Variants in DNAJC1 observed in about 807,000 individuals in gnomAD.
DNAJC1 encodes dnaJ homolog subfamily C member 1.
A neutral mutation model predicts 76.6 loss-of-function variants in DNAJC1; 58 were observed. The observed-to-expected ratio is 0.76, with a 90% CI of 0.61 to 0.94. The LOEUF (loss-of-function observed/expected upper bound fraction) is 0.94. Ranked by LOEUF, DNAJC1 falls within the 40% of genes least tolerant of loss-of-function variation. The pLI is 0.00. For missense variants in DNAJC1, 689 were observed against 677.3 expected (o/e 1.02, Z -0.19); for synonymous variants, 258 against 267.9 (o/e 0.96, Z 0.36).
chr10:21,930,573 C>A (rs534629592), intron 1 of DNAJC1, among the ~76,000 whole-genome samples: 4 of 152,218 alleles, frequency 2.6e-5, no homozygotes, highest in South Asian at 2.1e-4. Flanking sequence ...TTTTTATTAT[C>A]AGTTTTCTGG....
intron 1 of DNAJC1, among the ~76,000 whole-genome samples, chr10:21,996,907 T>C (rs1425827993): frequency 2.6e-5 from 4 of 152,162 alleles, no homozygotes; most frequent in African/African-American, 9.7e-5. Flanking sequence ...AAGTACTTAT[T>C]CAGCTCTAAC....
intron 8 of DNAJC1, among the ~76,000 whole-genome samples, chr10:21,836,722 AG>A (rs1835465592): frequency 6.6e-6 from 1 of 152,186 alleles, no homozygotes; most frequent in Non-Finnish European, 1.5e-5. Flanking sequence ...AGATCAAAAG[AG>A]ACAAAGAAGG....
intron 3 of DNAJC1, among the ~76,000 whole-genome samples, chr10:21,927,353 ATACAT>A (rs1837145258): frequency 2.0e-5 from 3 of 152,348 alleles, no homozygotes; most frequent in South Asian, 2.1e-4. Context: ...ATTCCAGATA[ATACAT>A]TTGAGGAAAG....
chr10:21,813,506 C>T (rs1048815812), intron 8 of DNAJC1, among the ~76,000 whole-genome samples: 13 of 151,732 alleles, frequency 8.6e-5, no homozygotes, highest in Admixed American at 7.9e-4. Context: ...CACCATTCTC[C>T]TGCCTCAGCC....
intron 7 of DNAJC1, among the ~76,000 whole-genome samples, chr10:21,899,235 G>C (rs573426647): frequency 2.8e-4 from 42 of 152,344 alleles, no homozygotes; most frequent in African/African-American, 1.0e-3. Flanking sequence ...GGCACACACA[G>C]AGGCTGAGAG....
At chr10:21,887,856 G>A (rs1836393153) in intron 7 of DNAJC1, among the ~76,000 whole-genome samples, 1 of 152,076 alleles carries the variant, frequency 6.6e-6, no homozygotes, top group South Asian at 2.1e-4. Flanking sequence ...GACACCAAAA[G>A]CAATTGAAAC....
At position 21,941,963 on chromosome 10, in the gene DNAJC1, T is replaced by C. The variant is rs368608122; in HGVS notation, c.223-12822A>G. ...AAGCATATAAAAATTTCCAAATTAA[T>C]AGAAATTTTACTAAGCCAACAAAAG... On this transcript the variant is annotated intron_variant, in intron 1 of 11. Coordinates refer to ENST00000376980, the MANE Select transcript of DNAJC1 (RefSeq NM_022365.4). Among the ~76,000 whole-genome samples, 5 of 152,206 alleles carry C rather than the reference T, an allele frequency of 3.3e-5. No homozygotes were observed. The East Asian group carries it at 5.8e-4, about 18-fold the overall frequency.
intron 9 of DNAJC1, among the ~76,000 whole-genome samples, chr10:21,777,110 A>C (rs1419859171): frequency 2.0e-5 from 3 of 152,232 alleles, no homozygotes; most frequent in Non-Finnish European, 4.4e-5. Flanking sequence ...ACCAGACCAC[A>C]GACTATGAGC....
At position 21,903,698 on chromosome 10, in the gene DNAJC1, T is replaced by C. The variant is rs996872132; in HGVS notation, c.820+824A>G. ...TGTCCAGACACCTGAAGGATTGTGATAGACTGAAAAATGACCCCCTAAAAT... is the reference window on the plus strand; with the variant it reads ...TGTCCAGACACCTGAAGGATTGTGACAGACTGAAAAATGACCCCCTAAAAT... On this transcript the variant is annotated intron_variant, in intron 7 of 11. Coordinates refer to ENST00000376980, the MANE Select transcript of DNAJC1 (RefSeq NM_022365.4). 4.6e-5 allele frequency among the ~76,000 whole-genome samples: 7 copies of C among 152,088 alleles called. No homozygotes were observed. The South Asian group carries it at 6.2e-4, about 13-fold the overall frequency.
chr10:21,837,658 G>A (rs1389520854), intron 8 of DNAJC1, among the ~76,000 whole-genome samples: 8 of 150,758 alleles, frequency 5.3e-5, no homozygotes, highest in Admixed American at 1.3e-4. Flanking sequence ...TAGGAAGTGA[G>A]GAGCCCCTCC....
intron 9 of DNAJC1, among the ~76,000 whole-genome samples, chr10:21,797,556 T>C (rs368790515): frequency 1.3e-5 from 2 of 152,208 alleles, no homozygotes; most frequent in Admixed American, 6.5e-5. Context: ...CAAAGTTCAT[T>C]TGTTGGAAAC....
In DNAJC1 at chr10:21,990,118, A is replaced by G. The variant is rs745654132; in HGVS notation, c.222+13095T>C. Among the ~76,000 whole-genome samples, 120 of 152,316 alleles carry G rather than the reference A, an allele frequency of 7.9e-4. 1 individual carries two copies. Among genetic ancestry groups the G allele is most frequent in the Non-Finnish European group, 1.5e-3 (102 of 68,024 alleles). The stretch of plus-strand genomic sequence containing the variant: ...AGAGTCTATAGCAATTTCTGGCTAC[A>G]TTTTTAATTAAGTTTATTCTGTGGC... On this transcript the variant is annotated intron_variant, in intron 1 of 11. Transcript: ENST00000376980.
intron 8 of DNAJC1, among the ~76,000 whole-genome samples, chr10:21,859,033 T>G (rs550094294): frequency 3.6e-4 from 55 of 152,164 alleles, no homozygotes; most frequent in Non-Finnish European, 6.0e-4. Context: ...TTAAAAATCA[T>G]CAGTTATAAT....
At chr10:21,764,662 C>T (rs374065104) in intron 10 of DNAJC1, among the ~76,000 whole-genome samples, 23 of 152,272 alleles carry the variant, frequency 1.5e-4, no homozygotes, top group Middle Eastern at 6.8e-3. Flanking sequence ...ACACTGCTTA[C>T]GGATTCTTTG....
chr10:21,879,029 T>C (rs1463693512), intron 8 of DNAJC1, among the ~76,000 whole-genome samples: 9 of 152,116 alleles, frequency 5.9e-5, no homozygotes, highest in Admixed American at 1.3e-4. Flanking sequence ...AAGGACTACA[T>C]AGGAAATGAT....
chr10:21,762,219 G>A (rs964025890), intron 10 of DNAJC1, among the ~76,000 whole-genome samples: 2 of 152,180 alleles, frequency 1.3e-5, no homozygotes, highest in East Asian at 1.9e-4. Context: ...TTACAGGCAT[G>A]AGCCACCACG....
chr10:21,951,217 G>A (rs1316597621), intron 1 of DNAJC1, among the ~76,000 whole-genome samples: 1 of 152,042 alleles, frequency 6.6e-6, no homozygotes, highest in African/African-American at 2.4e-5. Context: ...CTACTAAGGA[G>A]GCTGAGGCAG....
chr10:21,759,629 G>C lies in DNAJC1; in HGVS notation c.1148-11C>G. On this transcript the variant is annotated splice_polypyrimidine_tract_variant and intron_variant, in intron 10 of 11. Transcript: ENST00000376980. Reference sequence around the variant, plus strand: ...AGAGTCTAACCATTCCTAGGAAAGAGGGTGTGCCACACAGAGGTGAAGGGC... The same window carrying C: ...AGAGTCTAACCATTCCTAGGAAAGACGGTGTGCCACACAGAGGTGAAGGGC... 6.2e-7 allele frequency: 1 copy of C among 1,610,132 alleles called. No homozygotes were observed. The highest frequency in any genetic ancestry group is 8.5e-7 in the Non-Finnish European group (1 of 1,177,578).
intron 9 of DNAJC1, among the ~76,000 whole-genome samples, chr10:21,784,506 T>C (rs1834577855): frequency 1.3e-5 from 2 of 152,142 alleles, no homozygotes; most frequent in Non-Finnish European, 2.9e-5. Flanking sequence ...TCCTCAAGGA[T>C]CTAGAACTAG....
Sources: allele counts gnomAD v4.1 joint callset (sites outside exome capture counted in the v4.1 genomes callset), GRCh38; gene constraint gnomAD v4.1.1; transcripts MANE v1.5; gene names NCBI Gene and HGNC (gene_info 2026-07-23, HGNC 2026-07-21).